KIAA1671: variants seen among roughly 807,000 people sequenced by gnomAD.
KIAA1671 encodes uncharacterized protein KIAA1671.
In KIAA1671, 52 loss-of-function variants were observed where a neutral mutation model predicts 131.2. The observed-to-expected ratio is 0.40, with a 90% CI of 0.32 to 0.50. The LOEUF (loss-of-function observed/expected upper bound fraction) is 0.50. KIAA1671 is among the 20% of genes least tolerant of loss of function. The pLI is 0.73. For synonymous variants in KIAA1671, 1,003 were observed against 961.6 expected (o/e 1.04, Z -0.80); for missense variants, 2,360 against 2,364.2 (o/e 1.00, Z 0.04).
chr22:24,963,205 C>T (rs1922104054), intron 1 of KIAA1671, among the ~76,000 whole-genome samples: 1 of 151,340 alleles, frequency 6.6e-6, no homozygotes. Flanking sequence ...CTCTACTAAA[C>T]ATACAAAAAT....
chr22:25,037,138 C>T (rs1464038203), intron 4 of KIAA1671, among the ~76,000 whole-genome samples: 7 of 151,896 alleles, frequency 4.6e-5, no homozygotes, highest in South Asian at 4.1e-4. Context: ...GCCTGGCCAA[C>T]GTGGTGAAAT....
At chr22:25,155,562 A>G (rs1933202957) in intron 6 of KIAA1671, among the ~76,000 whole-genome samples, 1 of 137,712 alleles carries the variant, frequency 7.3e-6, no homozygotes, top group South Asian at 2.5e-4. Flanking sequence ...GCATTGGTGT[A>G]GATGTTTGTG....
At chr22:25,000,428 C>T (rs1490611402) in intron 1 of KIAA1671, among the ~76,000 whole-genome samples, 1 of 104,258 alleles carries the variant, frequency 9.6e-6, no homozygotes, top group Non-Finnish European at 2.0e-5. Context: ...CTCCTGACCT[C>T]GTGATCCGCC....
rs146441942 is a variant in KIAA1671 at position 25,115,818 on chromosome 22, C to A, written c.4531-55002C>A. 4.0e-3 allele frequency among the ~76,000 whole-genome samples: 616 copies of A among 152,204 alleles called. 4 individuals are homozygous for A. Among genetic ancestry groups the A allele is most frequent in the African/African-American group, 0.014 (576 of 41,532 alleles). ...TAGAGACAGAGCCTCACTTTGTCAC[C>A]CAGGCTGGAGTGCAGTGGCACAGTC... On this transcript the variant is annotated intron_variant, in intron 6 of 12. Transcript: ENST00000358431.
rs1359956403 is a variant in KIAA1671 at position 25,197,381 on chromosome 22, G to A, written c.*4980G>A. 2 of 152,222 alleles carry A rather than the reference G, an allele frequency of 1.3e-5. No homozygotes were observed. The highest frequency in any genetic ancestry group is 4.8e-5 in the African/African-American group (2 of 41,454). The allele number at this position is 152,222 out of a possible 1,614,324, so 9.4% of individuals were successfully genotyped here. A position where few individuals can be genotyped will look rare whatever the true frequency, so the allele number is the denominator to read the frequency against. ...CAATAAAACAAGATGACCTTTGCAT[G>A]TACAAAGATGTTGCATTCAGACTAT... On this transcript the variant is annotated 3_prime_UTR_variant, in exon 13 of 13. Coordinates refer to ENST00000358431, the MANE Select transcript of KIAA1671 (RefSeq NM_001145206.2).
At chr22:25,114,833 C>T (rs1419937149) in intron 6 of KIAA1671, among the ~76,000 whole-genome samples, 2 of 152,216 alleles carry the variant, frequency 1.3e-5, no homozygotes, top group Non-Finnish European at 2.9e-5. Context: ...CAGACAATTA[C>T]TTAAGAGTTT....
chr22:24,976,270 C>T (rs562918203), intron 1 of KIAA1671, among the ~76,000 whole-genome samples: 1 of 152,360 alleles, frequency 6.6e-6, no homozygotes, highest in African/African-American at 2.4e-5. Context: ...ACAAGGCTGT[C>T]TGGATGTTCC....
chr22:25,136,364 A>G (rs1932674102), intron 6 of KIAA1671, among the ~76,000 whole-genome samples: 1 of 152,230 alleles, frequency 6.6e-6, no homozygotes, highest in Non-Finnish European at 1.5e-5. Flanking sequence ...GCCAGTAAGC[A>G]TCAGATTTTG....
rs930485008 is a variant in KIAA1671, at chr22:24,977,062, A to G, written c.-208+24290A>G. 1.3e-5 allele frequency among the ~76,000 whole-genome samples: 2 copies of G among 152,092 alleles called. 1 individual carries two copies. The highest frequency in any genetic ancestry group is 2.9e-5 in the Non-Finnish European group (2 of 68,014). ...TATTAATAGTAGAACCATCTCAGAG[A>G]GCTGTCATGAGGATTGACCGAGAGG... On this transcript the variant is annotated intron_variant, in intron 1 of 12. Coordinates refer to ENST00000358431, the MANE Select transcript of KIAA1671 (RefSeq NM_001145206.2).
rs562716325 is a variant in KIAA1671 at position 25,004,428 on chromosome 22, C to G, written c.-207-21205C>G. ...CCCAACTGAAATGGGATCTTCATGT[C>G]CATATTGTACCTAAATGTTTTAAAA... is the stretch of plus-strand genomic sequence containing the variant. On this transcript the variant is annotated intron_variant, in intron 1 of 12. Coordinates refer to ENST00000358431, the MANE Select transcript of KIAA1671 (RefSeq NM_001145206.2). Among the ~76,000 whole-genome samples, 61 of 152,158 alleles carry G rather than the reference C, an allele frequency of 4.0e-4. 1 individual carries two copies. The South Asian group carries it at 0.011, about 27-fold the overall frequency.
At chr22:25,041,796 G>A (rs1189381849) in intron 5 of KIAA1671, among the ~76,000 whole-genome samples, 2 of 152,162 alleles carry the variant, frequency 1.3e-5, no homozygotes, top group East Asian at 3.9e-4. Context: ...CCAGGCTGGA[G>A]TGCAGTGGCA....
intron 1 of KIAA1671, among the ~76,000 whole-genome samples, chr22:24,957,803 G>A (rs557892060): frequency 2.8e-4 from 41 of 147,606 alleles, no homozygotes; most frequent in African/African-American, 8.8e-4. Flanking sequence ...TCAGCCTCCC[G>A]AGTAGCTGGG....
chr22:24,967,052 C>A (rs545809758), intron 1 of KIAA1671, among the ~76,000 whole-genome samples: 1 of 152,146 alleles, frequency 6.6e-6, no homozygotes, highest in East Asian at 1.9e-4. Context: ...GAGTATACCC[C>A]CTCCCCTCTC....
intron 1 of KIAA1671, among the ~76,000 whole-genome samples, chr22:24,979,170 A>ATTTTTTGTTTTTTTT (rs1923081077): frequency 1.2e-5 from 1 of 81,718 alleles, no homozygotes; most frequent in Non-Finnish European, 2.2e-5. Flanking sequence ...TAATTTTTGT[A>ATTTTTTGTTTTTTTT]TTTTTTTTTT....
intron 1 of KIAA1671, among the ~76,000 whole-genome samples, chr22:24,957,174 A>G (rs1391096446): frequency 6.6e-6 from 1 of 152,074 alleles, no homozygotes; most frequent in African/African-American, 2.4e-5. Flanking sequence ...GCTTTGCTCA[A>G]CCTGGTGTGT....
intron 4 of KIAA1671, among the ~76,000 whole-genome samples, chr22:25,036,193 G>C (rs1448259031): frequency 6.6e-6 from 1 of 152,104 alleles, no homozygotes; most frequent in African/African-American, 2.4e-5. Context: ...CGATTCTCCT[G>C]CCTCAGCCTC....
At chr22:25,103,832 T>C (rs1279057818) in intron 6 of KIAA1671, among the ~76,000 whole-genome samples, 1 of 152,122 alleles carries the variant, frequency 6.6e-6, no homozygotes, top group Non-Finnish European at 1.5e-5. Context: ...CACTGGCCTC[T>C]GCAAAATGGG....
chr22:24,971,407 A>C (rs1015794909), intron 1 of KIAA1671, among the ~76,000 whole-genome samples: 1 of 152,164 alleles, frequency 6.6e-6, no homozygotes, highest in Non-Finnish European at 1.5e-5. Flanking sequence ...AATATCCACA[A>C]ATTTGGGCAT....
In KIAA1671 at chr22:25,028,688, C is replaced by G. The variant is rs1926101615; in HGVS notation, c.689C>G (p.Pro230Arg). ...AGCAGTGTGGAGGACACGGCACGCC[C>G]CCTTGTGGAGCCCAGGCCTCGCCTG... ...KASSVEDTAR[P>R]LVEPRPRLKR... The change falls in exon 3 of 13, where the codon CCC becomes CGC. Residue 230 changes from proline (P) to arginine (R), a missense_variant. Physicochemically the swap from Pro to Arg is moderately radical, Grantham distance 103. Coordinates refer to ENST00000358431, the MANE Select transcript of KIAA1671 (RefSeq NM_001145206.2). 2 of 1,551,192 alleles carry G rather than the reference C, an allele frequency of 1.3e-6. No individual in the cohort carries two copies. Among genetic ancestry groups the G allele is most frequent in the Non-Finnish European group, 1.7e-6 (2 of 1,147,006 alleles).
Sources: gnomAD v4.1 joint callset for allele counts (sites outside exome capture counted in the v4.1 genomes callset) on GRCh38, gnomAD v4.1.1 for gene constraint, MANE v1.5 for transcripts, NCBI Gene and HGNC (gene_info 2026-07-23, HGNC 2026-07-21) for gene names.